PNPT1: variants seen among roughly 807,000 people sequenced by gnomAD.
The protein encoded by PNPT1 is polyribonucleotide nucleotidyltransferase 1, mitochondrial.
Under a neutral mutation model 119.5 loss-of-function variants are expected in PNPT1, and 53 were observed. That is an observed-to-expected ratio of 0.44 (90% CI 0.36 to 0.56). PNPT1 has a LOEUF of 0.56. PNPT1 is among the 20% of genes least tolerant of loss of function. PNPT1 has a pLI of 0.00. For synonymous variants in PNPT1, 357 were observed against 322.1 expected (o/e 1.11, Z -1.16); for missense variants, 948 against 938.5 (o/e 1.01, Z -0.13).
At chr2:55,638,618 C>CA (rs1353783373) in intron 26 of PNPT1, among the ~76,000 whole-genome samples, 1 of 152,114 alleles carries the variant, frequency 6.6e-6, no homozygotes. Context: ...CACTATACTC[C>CA]AGCCTGGGTG....
At chr2:55,664,183 C>T (rs1696664393) in intron 13 of PNPT1, among the ~76,000 whole-genome samples, 2 of 152,154 alleles carry the variant, frequency 1.3e-5, no homozygotes, top group South Asian at 2.1e-4. Flanking sequence ...TATAACACCA[C>T]CTTGTGGGGG....
chr2:55,667,911 C>A lies in PNPT1; in HGVS notation c.1024G>T (p.Val342Phe). Residue 342 changes from valine (V) to phenylalanine (F), a missense_variant, in exon 12 of 28, where the codon GTT becomes TTT. By Grantham distance (50) the Val-to-Phe change is conservative (BLOSUM62 -1). Transcript: ENST00000447944. Reference protein sequence around the residue: ...DPYEIIESFNVVAKEVFRSIV... With the variant: ...DPYEIIESFNFVAKEVFRSIV... ...CTTCTAAAAACTTCCTTTGCAACAA[C>A]ATTGAAGGATTCTATTATTTCATAT... 6.3e-7 allele frequency: 1 copy of A among 1,582,448 alleles called. No individual in the cohort carries two copies. The highest frequency in any genetic ancestry group is 8.5e-7 in the Non-Finnish European group (1 of 1,171,956).
intron 18 of PNPT1, among the ~76,000 whole-genome samples, chr2:55,647,918 T>C (rs1400490955): frequency 1.3e-5 from 2 of 152,264 alleles, no homozygotes. Context: ...CTACTTCGTT[T>C]GTTTTTGAAC....
At chr2:55,689,283 A>C (rs1423946028) in intron 1 of PNPT1, among the ~76,000 whole-genome samples, 2 of 152,242 alleles carry the variant, frequency 1.3e-5, no homozygotes, top group African/African-American at 4.8e-5. Flanking sequence ...AAGGATTTGA[A>C]TAGCCATGTC....
At chr2:55,661,901 A>C in intron 14 of PNPT1, 55 bp downstream of exon 14, 1 of 1,408,738 alleles carries the variant, frequency 7.1e-7, no homozygotes, top group South Asian at 1.4e-5. Flanking sequence ...CATAAGCTTT[A>C]ATTATATAAT....
chr2:55,676,794 G>A (rs911208595), intron 8 of PNPT1, among the ~76,000 whole-genome samples: 2 of 151,646 alleles, frequency 1.3e-5, no homozygotes, highest in Non-Finnish European at 1.5e-5. Context: ...CCTGGGAGGC[G>A]GAAGTTGCAC....
chr2:55,637,554 G>C lies in PNPT1; in HGVS notation c.2194C>G (p.Gln732Glu). The change falls in exon 27 of 28, where the codon CAG becomes GAG. Residue 732 changes from glutamine to glutamate, a missense_variant and splice_region_variant. Transcript: ENST00000447944. The part of the protein sequence containing the change: ...ALGLEVGQEI[Q>E]VKYFGRDPAD... ...GCTAAAAGGTGGAATACAAATACCT[G>C]AATTTCTTGGCCAACTTCTAATCCT... is the stretch of plus-strand genomic sequence containing the variant. 6.2e-7 allele frequency: 1 copy of C among 1,600,272 alleles called. No individual in the cohort carries two copies.
At position 55,641,131 on chromosome 2, in the gene PNPT1, G is replaced by A. The variant is rs556780780; in HGVS notation, c.2070-426C>T. Among the ~76,000 whole-genome samples the A allele has an allele frequency of 2.6e-5, 4 of 152,154 alleles. No homozygotes were observed. The East Asian group carries it at 7.8e-4, about 30-fold the overall frequency. On this transcript the variant is annotated intron_variant, in intron 25 of 27. Transcript: ENST00000447944. ...CCCAGCTACTCAGGAGGGTGAGGCA[G>A]GAGAATTGTTTGAACCCGAAAGGCG...
At chr2:55,685,668 T>G (rs909223496) in intron 3 of PNPT1, among the ~76,000 whole-genome samples, 1 of 152,208 alleles carries the variant, frequency 6.6e-6, no homozygotes, top group Non-Finnish European at 1.5e-5. Context: ...ACACCCCTTT[T>G]CATAATAGAA....
At chr2:55,688,488 C>T (rs1450142311) in intron 1 of PNPT1, among the ~76,000 whole-genome samples, 1 of 152,060 alleles carries the variant, frequency 6.6e-6, no homozygotes, top group Non-Finnish European at 1.5e-5. Flanking sequence ...CTTTGAAAGG[C>T]TGAGGCAGGC....
At chr2:55,644,053 C>G (rs1399603884) in intron 23 of PNPT1, among the ~76,000 whole-genome samples, 1 of 152,102 alleles carries the variant, frequency 6.6e-6, no homozygotes, top group Non-Finnish European at 1.5e-5. Context: ...CGAGTAGAAA[C>G]TATAATAGAA....
chr2:55,646,262 A>G lies in PNPT1; in HGVS notation c.1735T>C (p.Ser579Pro). 1.2e-6 allele frequency: 2 copies of G among 1,612,174 alleles called. No individual in the cohort carries two copies. Among genetic ancestry groups the G allele is most frequent in the African/African-American group, 1.3e-5 (1 of 74,986 alleles). Reference sequence around the variant, plus strand: ...AGAATCAAGCACACTAGCTCACCTGAAGCTTGTTGAATAGCCTCCATCACA... The same window carrying G: ...AGAATCAAGCACACTAGCTCACCTGGAGCTTGTTGAATAGCCTCCATCACA... ...KIVMEAIQQASVAKKEILQIM... is the reference protein window; with the variant it reads ...KIVMEAIQQAPVAKKEILQIM... The change falls in exon 21 of 28, where the codon TCA (serine) becomes CCA (proline). Residue 579 changes from serine (S) to proline (P), a missense_variant. Physicochemically the swap from Ser to Pro is moderately conservative, Grantham distance 74. Coordinates refer to ENST00000447944, the MANE Select transcript of PNPT1 (RefSeq NM_033109.5).
intron 3 of PNPT1, among the ~76,000 whole-genome samples, chr2:55,686,022 T>C (rs1233667962): frequency 6.6e-6 from 1 of 152,186 alleles, no homozygotes; most frequent in Non-Finnish European, 1.5e-5. Context: ...AATCCATGGA[T>C]GCAAAACCCA....
chr2:55,651,184 C>T (rs1340753066), intron 18 of PNPT1, among the ~76,000 whole-genome samples: 7 of 151,714 alleles, frequency 4.6e-5, no homozygotes, highest in Non-Finnish European at 8.8e-5. Context: ...CCAGCCGCCC[C>T]GTCTGGGAGG....
chr2:55,667,802 T>G (rs978688321), intron 12 of PNPT1, 60 bp downstream of exon 12: 10 of 1,552,800 alleles, frequency 6.4e-6, no homozygotes, highest in Non-Finnish European at 7.8e-6. Flanking sequence ...AGTTTCCATT[T>G]TCAAGGCAAC....
intron 18 of PNPT1, among the ~76,000 whole-genome samples, chr2:55,650,217 C>A (rs12473585): frequency 6.6e-6 from 1 of 151,950 alleles, no homozygotes; most frequent in African/African-American, 2.4e-5. Flanking sequence ...CCTCTGATGC[C>A]GAGCTGAAGC....
At chr2:55,651,893 A>AAAAAAC (rs1210372081) in intron 18 of PNPT1, among the ~76,000 whole-genome samples, 28 of 151,226 alleles carry the variant, frequency 1.9e-4, no homozygotes, top group African/African-American at 6.3e-4. Flanking sequence ...GTCAAAAAAA[A>AAAAAAC]AAAAAAAAAA....
At position 55,683,878 on chromosome 2, in the gene PNPT1, T is replaced by A. The variant is rs994501894; in HGVS notation, c.404-44A>T. ...ACACATTAAACCGTACTGACAGAGTTGCTTTACAGTTCAAAACGTTTGAAC... is the reference window on the plus strand; with the variant it reads ...ACACATTAAACCGTACTGACAGAGTAGCTTTACAGTTCAAAACGTTTGAAC... On this transcript the variant is annotated intron_variant, in intron 4 of 27. Transcript: ENST00000447944. The A allele has an allele frequency of 5.7e-6, 9 of 1,584,532 alleles. No individual in the cohort carries two copies. In the African/African-American group the frequency reaches 1.2e-4, roughly 21 times the overall value.
chr2:55,679,809 G>T lies in PNPT1; in HGVS notation c.566-14C>A. 1 of 1,546,458 alleles carries T rather than the reference G, an allele frequency of 6.5e-7. No individual in the cohort carries two copies. Among genetic ancestry groups the T allele is most frequent in the East Asian group, 2.3e-5 (1 of 43,712 alleles). On this transcript the variant is annotated splice_polypyrimidine_tract_variant and intron_variant, in intron 7 of 27. Transcript: ENST00000447944. ...TTCGTACTGCCCCTAAAATGTATTA[G>T]AATATTGGCAACTGTTTAATGGAAA...
Sources: gnomAD v4.1 joint callset for allele counts (sites outside exome capture counted in the v4.1 genomes callset) on GRCh38, gnomAD v4.1.1 for gene constraint, MANE v1.5 for transcripts, NCBI Gene and HGNC (gene_info 2026-07-23, HGNC 2026-07-21) for gene names.